The following TENM3 variants were observed in gnomAD, a reference collection of about 807,000 sequenced individuals.
TENM3 encodes teneurin transmembrane protein 3, also known as teneurin-3.
A neutral mutation model predicts 255.1 loss-of-function variants in TENM3; 63 were observed. The observed-to-expected ratio is 0.25, with a 90% CI of 0.20 to 0.30. The LOEUF is 0.30. Among genes scored for constraint, TENM3 ranks in the 10% least tolerant of loss-of-function variants. The pLI is 1.00. For missense variants in TENM3, 2,929 were observed against 3,461.1 expected, an observed-to-expected ratio of 0.85 and a Z score of 3.86; for synonymous variants, 1,306 against 1,322.3, an observed-to-expected ratio of 0.99 and a Z score of 0.27.
At chr4:181,548,851 A>G in the TENM3 span, among the ~76,000 whole-genome samples, 3 of 152,314 alleles carry the variant, frequency 2.0e-5, no homozygotes, top group East Asian at 5.8e-4. Flanking sequence ...TATTAAAAGT[A>G]TGACTGAAAG....
At chr4:182,064,740 T>G in the TENM3 span, among the ~76,000 whole-genome samples, 1 of 152,108 alleles carries the variant, frequency 6.6e-6, no homozygotes, top group Non-Finnish European at 1.5e-5. Flanking sequence ...AGGAAGCCAC[T>G]GCGGCTGAGC....
the TENM3 span, among the ~76,000 whole-genome samples, chr4:181,741,554 T>C: frequency 6.6e-6 from 1 of 152,220 alleles, no homozygotes; most frequent in Non-Finnish European, 1.5e-5. Context: ...AACTGAAAAC[T>C]CAGCATGCTT....
the TENM3 span, among the ~76,000 whole-genome samples, chr4:181,565,435 T>G: frequency 6.6e-6 from 1 of 152,210 alleles, no homozygotes; most frequent in African/African-American, 2.4e-5. Context: ...TAGAGATACA[T>G]CAATCAGCAA....
chr4:181,605,950 G>A, the TENM3 span, among the ~76,000 whole-genome samples: 10 of 152,216 alleles, frequency 6.6e-5, no homozygotes, highest in East Asian at 1.9e-4. Context: ...AATTTGGACC[G>A]TCCACATCAT....
chr4:181,761,793 C>T, the TENM3 span, among the ~76,000 whole-genome samples: 2 of 152,146 alleles, frequency 1.3e-5, no homozygotes, highest in African/African-American at 4.8e-5. Flanking sequence ...GAGAGAGAAT[C>T]TATTTTAAAA....
At chr4:181,637,232 A>C in the TENM3 span, among the ~76,000 whole-genome samples, 1 of 152,198 alleles carries the variant, frequency 6.6e-6, no homozygotes, top group Non-Finnish European at 1.5e-5. Flanking sequence ...CAACAAAAAA[A>C]ACTTCAGTGT....
At chr4:181,814,380 T>TA in the TENM3 span, among the ~76,000 whole-genome samples, 2 of 152,116 alleles carry the variant, frequency 1.3e-5, no homozygotes, top group Admixed American at 6.5e-5. Flanking sequence ...TTTAAACAAT[T>TA]AAAAATGCAA....
In TENM3 at chr4:182,663,522, A is replaced by G. The variant is rs534096627; in HGVS notation, c.1112-9483A>G. On this transcript the variant is annotated intron_variant, in intron 6 of 27. Coordinates refer to ENST00000511685, the MANE Select transcript of TENM3 (RefSeq NM_001080477.4). ...AAACATAAAAAGTGAAAATGTATTG[A>G]AAGTACCTCTCTGAAATGAATGGGA... is the stretch of plus-strand genomic sequence containing the variant. Among the ~76,000 whole-genome samples, 12 of 152,328 alleles carry G rather than the reference A, an allele frequency of 7.9e-5. No individual in the cohort carries two copies. The South Asian group carries it at 2.5e-3, about 32-fold the overall frequency.
the TENM3 span, among the ~76,000 whole-genome samples, chr4:182,066,599 A>AAAAAAAT: frequency 1.2e-3 from 159 of 137,110 alleles, 1 homozygote; most frequent in South Asian, 4.2e-3. Context: ...GTAAAAAAAA[A>AAAAAAAT]ATATATATAT....
At chr4:182,141,830 G>A (rs1040682725), upstream of TENM3, 1 of 152,154 alleles carries the variant, frequency 6.6e-6, no homozygotes, top group East Asian at 1.9e-4. Flanking sequence ...AGAAAAAAGA[G>A]CTGGAAAAAA....
chr4:181,931,063 T>C, the TENM3 span, among the ~76,000 whole-genome samples: 1 of 152,228 alleles, frequency 6.6e-6, no homozygotes, highest in Non-Finnish European at 1.5e-5. Flanking sequence ...AATATCATAC[T>C]GAGTGGGCAA....
chr4:182,463,946 T>G lies in TENM3; in HGVS notation c.511+117017T>G, dbSNP rs116291913. Among the ~76,000 whole-genome samples, 1,228 of 152,242 alleles carry G rather than the reference T, an allele frequency of 8.1e-3. 9 individuals carry two copies. Among genetic ancestry groups the G allele is most frequent in the African/African-American group, 0.028 (1,148 of 41,540 alleles). ...CGTAGTATCACTTTTGTGTGTATTTTGTTATAATTTCTTTCCCTGAAAAAA... is the reference window on the plus strand; with the variant it reads ...CGTAGTATCACTTTTGTGTGTATTTGGTTATAATTTCTTTCCCTGAAAAAA... On this transcript the variant is annotated intron_variant, in intron 3 of 27. Coordinates refer to ENST00000511685, the MANE Select transcript of TENM3 (RefSeq NM_001080477.4).
intron 5 of TENM3, among the ~76,000 whole-genome samples, chr4:182,644,780 C>T (rs1752599424): frequency 6.6e-6 from 1 of 152,094 alleles, no homozygotes; most frequent in African/African-American, 2.4e-5. Flanking sequence ...TAATTTTTAA[C>T]ATCTGAAAAT....
chr4:182,629,087 T>C (rs1751105325), intron 5 of TENM3, among the ~76,000 whole-genome samples, 198 bp downstream of exon 5: 1 of 152,184 alleles, frequency 6.6e-6, no homozygotes, highest in African/African-American at 2.4e-5. Flanking sequence ...AAGCAGGTTT[T>C]GTGGGTAGTG....
chr4:182,725,782 C>G (rs1239793113), intron 13 of TENM3, among the ~76,000 whole-genome samples: 1 of 151,766 alleles, frequency 6.6e-6, no homozygotes, highest in Non-Finnish European at 1.5e-5. Flanking sequence ...ATTACAGGCA[C>G]CCACCACCAC....
the TENM3 span, among the ~76,000 whole-genome samples, chr4:181,848,933 T>G: frequency 6.6e-6 from 1 of 152,170 alleles, no homozygotes; most frequent in East Asian, 1.9e-4. Context: ...TAGGGATTGT[T>G]TGAGTTGATG....
At chr4:181,702,939 A>G in the TENM3 span, among the ~76,000 whole-genome samples, 1 of 152,228 alleles carries the variant, frequency 6.6e-6, no homozygotes, top group Non-Finnish European at 1.5e-5. Flanking sequence ...AAAAGCTAAC[A>G]CTTATTAAGC....
intron 1 of TENM3, among the ~76,000 whole-genome samples, chr4:182,189,389 C>A (rs958364874): frequency 3.3e-5 from 5 of 152,122 alleles, no homozygotes; most frequent in Admixed American, 2.0e-4. Flanking sequence ...GATTTTCACT[C>A]TACATACTAC....
Position 182,276,975 on chromosome 4 carries a change from A to G in TENM3, c.-76+33499A>G, listed in dbSNP as rs577643614. On this transcript the variant is annotated intron_variant, in intron 1 of 27. Transcript: ENST00000511685. ...CTGTGTTAATTTTACTTTCATTAAT[A>G]TGAAGGATAGTATGGAAAGAGCAAG... Among the ~76,000 whole-genome samples the G allele has an allele frequency of 8.1e-4, 124 of 152,360 alleles. 1 individual carries two copies. The highest frequency in any genetic ancestry group is 1.3e-3 in the Non-Finnish European group (89 of 68,036).
Sources: allele counts gnomAD v4.1 joint callset (sites outside exome capture counted in the v4.1 genomes callset), GRCh38; gene constraint gnomAD v4.1.1; transcripts MANE v1.5; gene names NCBI Gene and HGNC (gene_info 2026-07-23, HGNC 2026-07-21).